The following BLTP1 variants were observed in gnomAD, a reference collection of about 807,000 sequenced individuals.
BLTP1 encodes fragile site-associated protein.
At chr4:122,279,848 G>A in the BLTP1 span, 1 of 1,614,090 alleles carries the variant, frequency 6.2e-7, no homozygotes, top group Non-Finnish European at 8.5e-7. Flanking sequence ...GACAAACAAT[G>A]CTGCTGTGTT....
At chr4:122,293,115 T>C in the BLTP1 span, 42 of 960,858 alleles carry the variant, frequency 4.4e-5, no homozygotes, top group African/African-American at 2.5e-4. Context: ...TAATCAAGTA[T>C]AGAGGATATG....
At chr4:122,315,704 G>A in the BLTP1 span, 1 of 1,611,712 alleles carries the variant, frequency 6.2e-7, no homozygotes, top group Admixed American at 1.7e-5. Flanking sequence ...TAAACTCACT[G>A]TTAGAATTTT....
chr4:122,271,148 C>T, the BLTP1 span: 2 of 1,613,826 alleles, frequency 1.2e-6, no homozygotes, highest in African/African-American at 2.7e-5. Context: ...CCTTTCTTTT[C>T]ATGATCTCAG....
At chr4:122,328,125 G>A in the BLTP1 span, 1 of 1,603,800 alleles carries the variant, frequency 6.2e-7, no homozygotes, top group Non-Finnish European at 8.5e-7. Context: ...GACAGAACTG[G>A]ACCTTTTGTC....
the BLTP1 span, among the ~76,000 whole-genome samples, chr4:122,340,110 G>T: frequency 6.6e-6 from 1 of 152,054 alleles, no homozygotes; most frequent in Non-Finnish European, 1.5e-5. Context: ...TTAAAATATT[G>T]GTTCTTAACC....
At chr4:122,289,348 C>T in the BLTP1 span, 112,453 of 456,188 alleles carry the variant, frequency 0.25, 14,609 homozygotes, top group African/African-American at 0.31. Flanking sequence ...ATGGCTTTTC[C>T]ACCTACAGTG....
the BLTP1 span, chr4:122,214,023 T>G: frequency 5.8e-6 from 1 of 171,264 alleles, no homozygotes; most frequent in Non-Finnish European, 1.2e-5. Flanking sequence ...TTATTAAAAA[T>G]AATTTTAATA....
chr4:122,324,403 CT>C, the BLTP1 span: 1 of 1,603,996 alleles, frequency 6.2e-7, no homozygotes, highest in Non-Finnish European at 8.5e-7. Flanking sequence ...TATAGTCACC[CT>C]TTTTTCTCTC....
the BLTP1 span, chr4:122,272,365 G>A: frequency 1.2e-6 from 2 of 1,612,986 alleles, no homozygotes; most frequent in Non-Finnish European, 1.7e-6. Context: ...CAGAACTGAA[G>A]AGGATCCATG....
the BLTP1 span, among the ~76,000 whole-genome samples, chr4:122,324,733 C>T: frequency 1.1e-4 from 16 of 151,916 alleles, no homozygotes; most frequent in Admixed American, 9.2e-4. Context: ...AACCACAATG[C>T]GGTAAGTGCT....
At chr4:122,187,898 C>T in the BLTP1 span, 16 of 1,565,130 alleles carry the variant, frequency 1.0e-5, no homozygotes, top group African/African-American at 2.8e-5. Flanking sequence ...TTTTTAGGGA[C>T]GTTTGGCCTT....
chr4:122,279,333 T>C, the BLTP1 span, among the ~76,000 whole-genome samples: 1 of 152,202 alleles, frequency 6.6e-6, no homozygotes, highest in Non-Finnish European at 1.5e-5. Context: ...ACTGTGGGCT[T>C]CATCAACATT....
At chr4:122,166,668 A>G in the BLTP1 span, among the ~76,000 whole-genome samples, 19 of 152,200 alleles carry the variant, frequency 1.2e-4, no homozygotes, top group Middle Eastern at 3.4e-3. Flanking sequence ...CTTGGGCAGT[A>G]TGGCCATTTT....
the BLTP1 span, chr4:122,349,907 T>TC: frequency 1.2e-6 from 2 of 1,613,768 alleles, no homozygotes; most frequent in Non-Finnish European, 1.7e-6. The surrounding 1 kb of genome is among the most constrained non-coding windows in gnomAD (Gnocchi z 4.5). Context: ...CAAGTAATGA[T>TC]ATCAAGGTCA....
chr4:122,356,238 G>A, the BLTP1 span, among the ~76,000 whole-genome samples: 1 of 152,086 alleles, frequency 6.6e-6, no homozygotes, highest in East Asian at 1.9e-4. Flanking sequence ...AGGAATAAAT[G>A]GCATATATAG....
the BLTP1 span, chr4:122,309,239 T>C: frequency 6.3e-7 from 1 of 1,596,560 alleles, no homozygotes; most frequent in Non-Finnish European, 8.5e-7. Context: ...ACCTTTTGTC[T>C]TATTTCTTCT....
the BLTP1 span, chr4:122,227,567 T>C: frequency 1.4e-5 from 10 of 695,046 alleles, no homozygotes; most frequent in Non-Finnish European, 1.6e-5. Context: ...AACAACTTAG[T>C]TTTTCTTTCT....
chr4:122,256,478 G>T, the BLTP1 span, among the ~76,000 whole-genome samples: 1 of 152,206 alleles, frequency 6.6e-6, no homozygotes, highest in African/African-American at 2.4e-5. Flanking sequence ...GAAAGGAGAG[G>T]CTAGTGGACT....
the BLTP1 span, among the ~76,000 whole-genome samples, chr4:122,253,076 C>T: frequency 2.6e-5 from 4 of 152,312 alleles, no homozygotes; most frequent in Non-Finnish European, 5.9e-5. Flanking sequence ...GTTGCAAGAA[C>T]AGTGATACAG....
Sources: gnomAD v4.1 joint callset for allele counts (sites outside exome capture counted in the v4.1 genomes callset) on GRCh38, gnomAD v4.1.1 for gene constraint, Gnocchi (gnomAD v3.1) non-coding constraint, MANE v1.5 for transcripts, NCBI Gene and HGNC (gene_info 2026-07-23, HGNC 2026-07-21) for gene names.